The following NISCH variants were observed in gnomAD, a reference collection of about 807,000 sequenced individuals.
NISCH encodes I-1 receptor candidate protein.
In NISCH, 55 loss-of-function variants were observed where a neutral mutation model predicts 138.4. The ratio of observed to expected loss-of-function variants is 0.40; its 90% CI spans 0.32 to 0.50. The LOEUF is 0.50. Ranked by LOEUF, NISCH falls within the 20% of genes least tolerant of loss-of-function variation. The pLI, the probability that NISCH is intolerant of heterozygous loss-of-function variation, is 0.71. For missense variants in NISCH, 1,643 were observed against 2,005.5 expected, an observed-to-expected ratio of 0.82 and a Z score of 3.45; for synonymous variants, 860 against 861.5, an observed-to-expected ratio of 1.00 and a Z score of 0.03.
chr3:52,470,697 T>C (rs1454768248), intron 3 of NISCH, 162 bp from the exon 4 acceptor site: 2 of 674,592 alleles, frequency 3.0e-6, no homozygotes, highest in African/African-American at 3.6e-5. Context: ...AGTTTCCCTT[T>C]CTAAGCTTCT....
At chr3:52,470,165 T>G (rs1433642887) in intron 3 of NISCH, among the ~76,000 whole-genome samples, 1 of 151,956 alleles carries the variant, frequency 6.6e-6, no homozygotes, top group East Asian at 1.9e-4. Flanking sequence ...CTTCAGTGGC[T>G]CAGGGCATGA....
At chr3:52,470,487 C>T (rs1011064) in intron 3 of NISCH, 207,295 of 216,048 alleles carry the variant, frequency 0.96, 99,521 homozygotes, top group African/African-American at 0.99. Flanking sequence ...GGACTTTTCT[C>T]TCTGCCACAC....
chr3:52,468,378 G>C (rs1250912050), intron 3 of NISCH, among the ~76,000 whole-genome samples: 1 of 152,206 alleles, frequency 6.6e-6, no homozygotes, highest in Non-Finnish European at 1.5e-5. Flanking sequence ...TATTCTTGGG[G>C]AATTGAGGTG....
intron 3 of NISCH, among the ~76,000 whole-genome samples, chr3:52,459,393 C>T (rs1002186494): frequency 6.6e-6 from 1 of 152,184 alleles, no homozygotes; most frequent in Non-Finnish European, 1.5e-5. Context: ...TGACAGAATG[C>T]GTTGTCAGAC....
intron 8 of NISCH, 90 bp downstream of exon 8, chr3:52,476,689 A>T: frequency 1.5e-6 from 2 of 1,308,030 alleles, no homozygotes; most frequent in Non-Finnish European, 2.2e-6. Flanking sequence ...AGGAAGGACC[A>T]CGGAAAACCT....
chr3:52,488,629 G>A, intron 16 of NISCH, 24 bp downstream of exon 16: 1 of 1,569,816 alleles, frequency 6.4e-7, no homozygotes. Context: ...CAGCTCTCAG[G>A]GGCCCCGGGG....
Position 52,488,170 on chromosome 3 carries a change from C to T in NISCH, c.2678C>T (p.Ser893Phe), listed in dbSNP as rs1472653102. 1.2e-6 allele frequency: 2 copies of T among 1,613,250 alleles called. No homozygotes were observed. Reference sequence around the variant, plus strand: ...ACACTCTGTTCAGCCGTGCGGCGCTCCTGCTGCGCGCCCTCTGAGGCCGTC... The same window carrying T: ...ACACTCTGTTCAGCCGTGCGGCGCTTCTGCTGCGCGCCCTCTGAGGCCGTC... ...SCTLCSAVRR[S>F]CCAPSEAVKS... Residue 893 changes from serine (S) to phenylalanine (F), a missense_variant, in exon 16 of 21, where the codon TCC becomes TTC. Transcript: ENST00000345716.
intron 8 of NISCH, 55 bp from the exon 9 acceptor site, chr3:52,477,519 C>T (rs1052257287): frequency 3.4e-5 from 50 of 1,477,058 alleles, no homozygotes; most frequent in Non-Finnish European, 4.3e-5. Context: ...TGTCGGGGAC[C>T]GTGTTTGGGG....
chr3:52,483,546 A>T (rs1707330668), intron 13 of NISCH, among the ~76,000 whole-genome samples: 1 of 152,176 alleles, frequency 6.6e-6, no homozygotes, highest in Non-Finnish European at 1.5e-5. Context: ...GGGGTTTAGG[A>T]ACACTGTGCA....
At chr3:52,484,462 T>TTGGGGCCCCCCCCC in intron 13 of NISCH, 51 bp from the exon 14 acceptor site, 6 of 788,670 alleles carry the variant, frequency 7.6e-6, no homozygotes, top group South Asian at 2.1e-5. Flanking sequence ...ACAGCCGCTC[T>TTGGGGCCCCCCCCC]CCCCGCCCCA....
intron 3 of NISCH, among the ~76,000 whole-genome samples, chr3:52,461,862 CAAAA>C (rs570499799): frequency 1.1e-4 from 6 of 56,398 alleles, no homozygotes; most frequent in Admixed American, 3.9e-4. Context: ...GACTCCGTCA[CAAAA>C]AAAAAAAAAA....
At position 52,489,570 on chromosome 3, in the gene NISCH, G is replaced by C. The variant is rs768107940; in HGVS notation, c.3348G>C (p.Ser1116=). 3 of 1,613,230 alleles carry C rather than the reference G, an allele frequency of 1.9e-6. No homozygotes were observed. The highest frequency in any genetic ancestry group is 2.5e-6 in the Non-Finnish European group (3 of 1,179,976). The change falls in exon 17 of 21, where the codon TCG becomes TCC. Residue 1116 remains serine, a synonymous_variant. Transcript: ENST00000345716. ...GTGAGCACCTCATCCAGGCCACCTC[G>C]GAGGAGAATCAGATCCCCTCGCACT... ...YPSEHLIQAT[S]EENQIPSHLP... is the part of the protein sequence containing the mutation.
rs779221106 is a variant in NISCH at position 52,488,042 on chromosome 3, G to A, written c.2550G>A (p.Glu850=). The A allele has an allele frequency of 8.1e-6, 13 of 1,612,640 alleles. No individual in the cohort carries two copies. The highest frequency in any genetic ancestry group is 1.1e-5 in the South Asian group (1 of 91,076). The part of the protein sequence containing the change: ...TFYKVAGGCQ[E]RSQGCFPVYL... ...ACAAGGTGGCTGGCGGCTGCCAGGA[G>A]CGCAGCCAGGGCTGCTTCCCCGTCT... Residue 850 remains glutamate, a synonymous_variant, in exon 16 of 21, where the codon GAG becomes GAA. Coordinates refer to ENST00000345716, the MANE Select transcript of NISCH (RefSeq NM_007184.4).
At chr3:52,480,676 T>G in intron 13 of NISCH, 3 of 1,422,222 alleles carry the variant, frequency 2.1e-6, no homozygotes, top group Non-Finnish European at 2.7e-6. Context: ...GCTTGTGACT[T>G]TACTGTCTGG....
intron 19 of NISCH, 103 bp downstream of exon 19, chr3:52,490,936 T>G: frequency 3.1e-5 from 46 of 1,492,236 alleles, no homozygotes; most frequent in South Asian, 3.8e-5. Flanking sequence ...CAGTTATCTC[T>G]GTGCTCAAGA....
intron 13 of NISCH, chr3:52,481,664 G>A: frequency 1.0e-6 from 1 of 985,612 alleles, no homozygotes; most frequent in Non-Finnish European, 1.2e-6. Flanking sequence ...GAGTGGGCAG[G>A]TAGAGCAGGA....
intron 19 of NISCH, among the ~76,000 whole-genome samples, 200 bp downstream of exon 19, chr3:52,491,033 A>G (rs1707547870): frequency 6.6e-6 from 1 of 152,244 alleles, no homozygotes; most frequent in African/African-American, 2.4e-5. Flanking sequence ...AGCAGGAGGT[A>G]GGGTGTGCGG....
intron 16 of NISCH, 35 bp downstream of exon 16, chr3:52,488,640 G>C (rs2153231794): frequency 4.5e-6 from 7 of 1,540,274 alleles, no homozygotes; most frequent in Non-Finnish European, 6.2e-6. Context: ...GGCCCCGGGG[G>C]CATGGGTCTG....
At chr3:52,482,670 C>T (rs1707307214) in intron 13 of NISCH, among the ~76,000 whole-genome samples, 1 of 152,174 alleles carries the variant, frequency 6.6e-6, no homozygotes, top group Non-Finnish European at 1.5e-5. Context: ...CGCTGTCAGC[C>T]AGCTGGTATT....
Sources: allele counts gnomAD v4.1 joint callset (sites outside exome capture counted in the v4.1 genomes callset), GRCh38; gene constraint gnomAD v4.1.1; transcripts MANE v1.5; gene names NCBI Gene and HGNC (gene_info 2026-07-23, HGNC 2026-07-21).